MZT2B: variants seen among roughly 807,000 people sequenced by gnomAD.
MZT2B encodes the protein mitotic spindle organizing protein 2B.
MZT2B carries 11 observed loss-of-function variants against 12.1 expected under a neutral mutation model. That is an observed-to-expected ratio of 0.91 (90% CI 0.57 to 1.50). The LOEUF is 1.50. Among genes scored for constraint, MZT2B ranks in the 40% most tolerant of loss-of-function variants. MZT2B has a pLI of 0.00. For synonymous variants in MZT2B, 85 were observed against 109.5 expected (o/e 0.78, Z 1.40); for missense variants, 209 against 227.7 (o/e 0.92, Z 0.53).
chr2:130,182,797 C>T (rs958291860), intron 2 of MZT2B, 22 bp downstream of exon 2: 23 of 1,432,954 alleles, frequency 1.6e-5, no homozygotes, highest in Non-Finnish European at 2.0e-5. Context: ...GCCCGCTGTC[C>T]CTGCCCCAGT....
chr2:130,198,982 G>A, the MZT2B span, among the ~76,000 whole-genome samples: 2 of 124,164 alleles, frequency 1.6e-5, 1 homozygote, highest in African/African-American at 5.8e-5. Context: ...AGGCCGAGGC[G>A]GGTGGATCAC....
the MZT2B span, among the ~76,000 whole-genome samples, chr2:130,201,687 G>A: frequency 6.6e-6 from 1 of 152,264 alleles, no homozygotes; most frequent in African/African-American, 2.4e-5. Flanking sequence ...GTGCTCTTCA[G>A]TCCAGCCACG....
Position 130,183,536 on chromosome 2 carries a change from C to T in MZT2B, c.319+761C>T, listed in dbSNP as rs1689899384. 3 of 623,472 alleles carry T rather than the reference C, an allele frequency of 4.8e-6. No homozygotes were observed. The East Asian group carries it at 8.5e-5, about 18-fold the overall frequency. The allele number at this position is 623,472 out of a possible 1,614,324, so 38.6% of individuals were successfully genotyped here. A position where few individuals can be genotyped will look rare whatever the true frequency, so the allele number is the denominator to read the frequency against. ...CGCATGTTGCTTCTGCTCCCGATGG[C>T]TCTCTCTGAAATGCAGCACAACCTC... is the stretch of plus-strand genomic sequence containing the variant. On this transcript the variant is annotated intron_variant, in intron 2 of 2. Coordinates refer to ENST00000281871, the MANE Select transcript of MZT2B (RefSeq NM_025029.5).
the MZT2B span, chr2:130,198,412 C>G: frequency 8.9e-6 from 12 of 1,355,006 alleles, 4 homozygotes; most frequent in African/African-American, 1.8e-4. Flanking sequence ...CAACCGGCTG[C>G]CACAGCTGCT....
downstream of MZT2B, among the ~76,000 whole-genome samples, chr2:130,194,814 A>G (rs1690364109): frequency 1.3e-5 from 2 of 152,194 alleles, no homozygotes; most frequent in Admixed American, 1.3e-4. Flanking sequence ...AGTAGCTGGC[A>G]GTACAGGTGT....
chr2:130,194,805 G>A (rs1690363859), downstream of MZT2B, among the ~76,000 whole-genome samples: 1 of 152,138 alleles, frequency 6.6e-6, no homozygotes, highest in African/African-American at 2.4e-5. Context: ...AGCCTCTCAA[G>A]TAGCTGGCAG....
At chr2:130,193,680 G>T, downstream of MZT2B, 2 of 1,391,992 alleles carry the variant, frequency 1.4e-6, no homozygotes, top group Admixed American at 2.3e-5. Context: ...CACATGCCTA[G>T]CCCATGGAAC....
rs188675604 is a variant in MZT2B, at chr2:130,184,302, C to T, written c.319+1527C>T. On this transcript the variant is annotated intron_variant, in intron 2 of 2. Transcript: ENST00000281871. ...CTGTGCTGGAGAGCACAGCCCCAGG[C>T]GTGACAAACACCTCGGCCTCTTAGA... is the stretch of plus-strand genomic sequence containing the variant. 3.9e-4 allele frequency: 389 copies of T among 985,422 alleles called. 3 individuals carry two copies. The African/African-American group carries it at 5.5e-3, about 14-fold the overall frequency. The allele number at this position is 985,422 out of a possible 1,614,324, so 61.0% of individuals were successfully genotyped here.
At chr2:130,200,938 G>A in the MZT2B span, among the ~76,000 whole-genome samples, 7,225 of 126,426 alleles carry the variant, frequency 0.057, no homozygotes, top group African/African-American at 0.2. Context: ...CAGTTCTGGG[G>A]AAAGCCCTGG....
chr2:130,196,354 G>A, the MZT2B span: 8 of 1,613,698 alleles, frequency 5.0e-6, no homozygotes, highest in Non-Finnish European at 6.8e-6. Flanking sequence ...GCCCCACGTG[G>A]ATAGAGATAC....
At chr2:130,182,103 T>C, upstream of MZT2B, 5 of 1,339,220 alleles carry the variant, frequency 3.7e-6, no homozygotes, top group South Asian at 8.0e-5. Flanking sequence ...CAGCACACCG[T>C]GAGCGCCCAA....
rs574964205 is a variant in MZT2B at position 130,187,835 on chromosome 2, A to G, written c.320-2634A>G. 1.3e-3 allele frequency among the ~76,000 whole-genome samples: 197 copies of G among 152,060 alleles called. 3 individuals carry two copies. The highest frequency in any genetic ancestry group is 3.9e-3 in the South Asian group (19 of 4,818). ...TTTCTTAGTATCAGTTATGGCTTAA[A>G]GTTATGTTGGTTTCACATTTCCAGG... On this transcript the variant is annotated intron_variant, in intron 2 of 2. Transcript: ENST00000281871.
downstream of MZT2B, among the ~76,000 whole-genome samples, chr2:130,192,334 T>C (rs1056105609): frequency 2.8e-4 from 42 of 152,316 alleles, no homozygotes; most frequent in African/African-American, 9.9e-4. Flanking sequence ...GTAGCCACCC[T>C]GGTGGGATCC....
rs1690218074 is a variant in MZT2B, at chr2:130,190,341, G to T, written c.320-128G>T. The T allele has an allele frequency of 2.9e-6, 4 of 1,398,958 alleles. No homozygotes were observed. The South Asian group carries it at 4.1e-5, about 14-fold the overall frequency. 86.7% of individuals were successfully genotyped at this position (1,398,958 alleles called of 1,614,324 possible). The stretch of plus-strand genomic sequence containing the variant: ...GTCTCAGGACTTGGGGCTGATGCAG[G>T]GCCTCTAGCTGAAGGGACTTTGATG... On this transcript the variant is annotated intron_variant, in intron 2 of 2. Transcript: ENST00000281871.
chr2:130,196,351 G>C, the MZT2B span: 1 of 1,613,802 alleles, frequency 6.2e-7, no homozygotes, highest in Non-Finnish European at 8.5e-7. Flanking sequence ...CCTGCCCCAC[G>C]TGGATAGAGA....
chr2:130,193,909 C>G, downstream of MZT2B: 1 of 1,614,268 alleles, frequency 6.2e-7, no homozygotes, highest in Non-Finnish European at 8.5e-7. Context: ...AGGCCATGTA[C>G]TTGCCATGGC....
chr2:130,183,604 A>G, intron 2 of MZT2B: 1 of 1,004,824 alleles, frequency 1.0e-6, no homozygotes, highest in African/African-American at 1.6e-5. Flanking sequence ...CCCTGCCTGG[A>G]AGCACGAGGA....
upstream of MZT2B, chr2:130,181,732 A>C: frequency 1.3e-6 from 2 of 1,548,788 alleles, no homozygotes; most frequent in Non-Finnish European, 1.7e-6. Flanking sequence ...GCGAGGCAGG[A>C]GTGCGGGGGA....
chr2:130,184,120 G>C, intron 2 of MZT2B: 1 of 1,522,698 alleles, frequency 6.6e-7, no homozygotes, highest in East Asian at 2.5e-5. Context: ...CACGATTTCT[G>C]ACTCGGTTTA....
Sources: allele counts gnomAD v4.1 joint callset (sites outside exome capture counted in the v4.1 genomes callset), GRCh38; gene constraint gnomAD v4.1.1; transcripts MANE v1.5; gene names NCBI Gene and HGNC (gene_info 2026-07-23, HGNC 2026-07-21).